RANBP2: variants seen among roughly 807,000 people sequenced by gnomAD.
RANBP2 encodes RAN binding protein 2.
A neutral mutation model predicts 303.6 loss-of-function variants in RANBP2; 57 were observed. The ratio of observed to expected loss-of-function variants is 0.19; its 90% CI spans 0.15 to 0.23. RANBP2 has a LOEUF of 0.23. Ranked by LOEUF, RANBP2 falls within the 10% of genes least tolerant of loss-of-function variation. The pLI is 1.00. For missense variants in RANBP2, 3,138 were observed against 3,780.8 expected (o/e 0.83, Z 4.46); for synonymous variants, 1,167 against 1,301.5 (o/e 0.90, Z 2.23).
At chr2:109,277,124 G>A in the RANBP2 span, among the ~76,000 whole-genome samples, 1 of 152,216 alleles carries the variant, frequency 6.6e-6, no homozygotes, top group Non-Finnish European at 1.5e-5. Flanking sequence ...CAGGACTGTA[G>A]GAGGGGGCAT....
chr2:109,508,391 G>A, the RANBP2 span, among the ~76,000 whole-genome samples: 1 of 152,148 alleles, frequency 6.6e-6, no homozygotes, highest in Non-Finnish European at 1.5e-5. Context: ...TGACCGGGCA[G>A]ACAAAAACTG....
chr2:109,598,052 T>C, the RANBP2 span, among the ~76,000 whole-genome samples: 2 of 152,242 alleles, frequency 1.3e-5, no homozygotes, highest in Non-Finnish European at 2.9e-5. Context: ...CTTAGCTTTA[T>C]GTTTTTTTGT....
At chr2:109,631,535 C>G in the RANBP2 span, among the ~76,000 whole-genome samples, 2 of 152,124 alleles carry the variant, frequency 1.3e-5, no homozygotes, top group Admixed American at 6.6e-5. Flanking sequence ...GTGGGCAGAT[C>G]ACCTGAGGTC....
chr2:108,995,512 G>C, the RANBP2 span, among the ~76,000 whole-genome samples: 1 of 152,164 alleles, frequency 6.6e-6, no homozygotes, highest in African/African-American at 2.4e-5. Flanking sequence ...AAGCCAAAAT[G>C]GGAATAAACA....
chr2:109,204,504 C>T, the RANBP2 span, among the ~76,000 whole-genome samples: 1 of 152,108 alleles, frequency 6.6e-6, no homozygotes, highest in Admixed American at 6.6e-5. Flanking sequence ...TTATTCTAGA[C>T]TAGTTTCTCA....
At chr2:109,449,431 T>G in the RANBP2 span, 1 of 1,614,018 alleles carries the variant, frequency 6.2e-7, no homozygotes. Context: ...ATCGGTGTTC[T>G]GTCCACATCC....
the RANBP2 span, among the ~76,000 whole-genome samples, chr2:109,075,382 G>A: frequency 3.0e-4 from 45 of 149,918 alleles, no homozygotes; most frequent in African/African-American, 1.0e-3. Flanking sequence ...CTGCCACCAC[G>A]CCCAGCTAAT....
At chr2:108,922,520 C>T in the RANBP2 span, among the ~76,000 whole-genome samples, 2,344 of 152,328 alleles carry the variant, frequency 0.015, 73 homozygotes, top group African/African-American at 0.052. Flanking sequence ...ATGCTGCGCC[C>T]CATTCCTGCT....
At chr2:109,304,574 G>A in the RANBP2 span, among the ~76,000 whole-genome samples, 724 of 152,292 alleles carry the variant, frequency 4.8e-3, 3 homozygotes, top group Middle Eastern at 0.014. Flanking sequence ...CGCTGCACCC[G>A]TCGGCACTGC....
the RANBP2 span, among the ~76,000 whole-genome samples, chr2:109,463,533 G>A: frequency 3.3e-5 from 5 of 152,304 alleles, no homozygotes; most frequent in East Asian, 3.9e-4. Flanking sequence ...GGTGAAAGGC[G>A]TGTCCTCTGG....
chr2:109,184,649 C>T, the RANBP2 span, among the ~76,000 whole-genome samples: 2 of 152,168 alleles, frequency 1.3e-5, no homozygotes, highest in Admixed American at 1.3e-4. Flanking sequence ...GCTGGTCCCA[C>T]CAGAGGTCCC....
intron 5 of RANBP2, 69 bp downstream of exon 5, chr2:108,735,831 C>T: frequency 1.9e-6 from 3 of 1,597,322 alleles, no homozygotes; most frequent in Non-Finnish European, 1.7e-6. Flanking sequence ...TGTACTAAAG[C>T]AGCAGTGCCC....
chr2:109,247,418 G>A, the RANBP2 span, among the ~76,000 whole-genome samples: 2,343 of 152,340 alleles, frequency 0.015, 48 homozygotes, highest in African/African-American at 0.053. Flanking sequence ...GAGCTTCCCA[G>A]ATGATCCCTG....
At chr2:109,368,719 A>AAAG in the RANBP2 span, among the ~76,000 whole-genome samples, 3 of 149,896 alleles carry the variant, frequency 2.0e-5, no homozygotes, top group Admixed American at 6.6e-5. Context: ...AAAAAAAAAA[A>AAAG]AAAAGAAAAA....
the RANBP2 span, among the ~76,000 whole-genome samples, chr2:109,119,644 A>G: frequency 1.3e-5 from 2 of 152,200 alleles, no homozygotes; most frequent in African/African-American, 4.8e-5. Flanking sequence ...CATGCATACA[A>G]GTTTAAGTAT....
At chr2:109,231,257 T>C in the RANBP2 span, among the ~76,000 whole-genome samples, 1 of 152,250 alleles carries the variant, frequency 6.6e-6, no homozygotes, top group Non-Finnish European at 1.5e-5. Flanking sequence ...TACTGCTCTT[T>C]CTTCTACAGC....
At chr2:109,129,274 C>T in the RANBP2 span, 4 of 617,254 alleles carry the variant, frequency 6.5e-6, no homozygotes, top group East Asian at 3.8e-5. Flanking sequence ...TGCGGCGGGA[C>T]AGGTGTAGCC....
the RANBP2 span, chr2:109,593,067 G>C: frequency 1.3e-6 from 2 of 1,598,754 alleles, no homozygotes; most frequent in Non-Finnish European, 1.7e-6. Flanking sequence ...TTCATCATCT[G>C]ATCCTTGTGA....
At chr2:109,614,700 G>A in the RANBP2 span, 4 of 1,488,180 alleles carry the variant, frequency 2.7e-6, no homozygotes, top group African/African-American at 2.9e-5. Context: ...CGTCGATCCC[G>A]CCGACGGCGC....
Sources: allele counts gnomAD v4.1 joint callset (sites outside exome capture counted in the v4.1 genomes callset), GRCh38; gene constraint gnomAD v4.1.1; transcripts MANE v1.5; gene names NCBI Gene and HGNC (gene_info 2026-07-23, HGNC 2026-07-21).